MYRIP: variants seen among roughly 807,000 people sequenced by gnomAD.
MYRIP encodes myosin VIIA and Rab interacting protein.
A neutral mutation model predicts 98.0 loss-of-function variants in MYRIP; 49 were observed. That is an observed-to-expected ratio of 0.50 (90% CI 0.40 to 0.63). The LOEUF (loss-of-function observed/expected upper bound fraction) is 0.63. Ranked by LOEUF, MYRIP falls within the 30% of genes least tolerant of loss-of-function variation. MYRIP has a pLI of 0.00. For synonymous variants in MYRIP, 404 were observed against 409.5 expected (o/e 0.99, Z 0.16); for missense variants, 1,004 against 1,058.2 (o/e 0.95, Z 0.71).
At chr3:39,975,178 G>T (rs1292577300) in intron 2 of MYRIP, among the ~76,000 whole-genome samples, 1 of 152,184 alleles carries the variant, frequency 6.6e-6, no homozygotes, top group Admixed American at 6.5e-5. Context: ...TCCTTAAGCT[G>T]ATAGGCAACT....
intron 3 of MYRIP, among the ~76,000 whole-genome samples, chr3:40,065,088 C>T (rs374075926): frequency 8.5e-5 from 13 of 152,272 alleles, no homozygotes; most frequent in African/African-American, 3.1e-4. Context: ...CAGGCAGGGC[C>T]ATGCTCTCTC....
At chr3:40,214,277 G>A in intron 11 of MYRIP, among the ~76,000 whole-genome samples, 1 of 152,150 alleles carries the variant, frequency 6.6e-6, no homozygotes, top group Non-Finnish European at 1.5e-5. Context: ...CACACAGAGG[G>A]GGAGCTCAGC....
chr3:39,890,936 T>A (rs562915104), intron 1 of MYRIP, among the ~76,000 whole-genome samples: 1 of 152,258 alleles, frequency 6.6e-6, no homozygotes. Context: ...TGCTGGTGTT[T>A]GCTGATGTCT....
chr3:39,939,571 G>A (rs966114802), intron 2 of MYRIP, among the ~76,000 whole-genome samples: 6 of 152,122 alleles, frequency 3.9e-5, no homozygotes, highest in South Asian at 2.1e-4. Flanking sequence ...TAGTGGGTGG[G>A]ATTTGCAGAA....
chr3:40,255,865 C>T (rs1270075933), intron 16 of MYRIP, among the ~76,000 whole-genome samples: 1 of 152,180 alleles, frequency 6.6e-6, no homozygotes, highest in African/African-American at 2.4e-5. Context: ...CACTGTCTTT[C>T]CAGGCATCAA....
intron 3 of MYRIP, among the ~76,000 whole-genome samples, chr3:40,081,614 T>C (rs1255455113): frequency 6.6e-6 from 1 of 152,260 alleles, no homozygotes; most frequent in African/African-American, 2.4e-5. Flanking sequence ...TTATGACATA[T>C]GTATACAATG....
chr3:40,098,224 C>T (rs1176517946), intron 3 of MYRIP, among the ~76,000 whole-genome samples: 1 of 152,114 alleles, frequency 6.6e-6, no homozygotes, highest in Non-Finnish European at 1.5e-5. Flanking sequence ...GCTAAATATA[C>T]ATTTCTTTCC....
At chr3:40,104,637 A>G (rs1019325361) in intron 3 of MYRIP, among the ~76,000 whole-genome samples, 1 of 152,230 alleles carries the variant, frequency 6.6e-6, no homozygotes, top group Non-Finnish European at 1.5e-5. Context: ...CATCATCATC[A>G]GACCCATTCT....
chr3:39,809,405 G>C (rs1458896561), upstream of MYRIP, among the ~76,000 whole-genome samples: 3 of 147,632 alleles, frequency 2.0e-5, no homozygotes, highest in South Asian at 2.1e-4. Context: ...CGCCCCTCCC[G>C]GCGCGTGCCG....
In MYRIP at chr3:40,084,771, AATAT is replaced by A. The variant is rs1491411474; in HGVS notation, c.332+40505_332+40508del. On this transcript the variant is annotated intron_variant, in intron 3 of 16. Coordinates refer to ENST00000302541, the MANE Select transcript of MYRIP (RefSeq NM_015460.4). ...ATCTATGTGTTACATGTCGATAGAT[AATAT>A]ATATGTGTTACATGTCGATAGATAA... 1.4e-3 allele frequency among the ~76,000 whole-genome samples: 69 copies of A among 48,458 alleles called. 26 individuals are homozygous for A. Among genetic ancestry groups the A allele is most frequent in the Admixed American group, 1.7e-3 (6 of 3,586 alleles). 31.8% of individuals were successfully genotyped at this position (48,458 alleles called of 152,430 possible).
At chr3:39,821,224 C>T (rs1182031307) in intron 1 of MYRIP, among the ~76,000 whole-genome samples, 1 of 152,122 alleles carries the variant, frequency 6.6e-6, no homozygotes. Context: ...GGTGAGATTT[C>T]CTACTGGAGT....
intron 1 of MYRIP, among the ~76,000 whole-genome samples, chr3:39,884,026 A>C (rs754310884): frequency 2.0e-5 from 3 of 152,162 alleles, no homozygotes; most frequent in Non-Finnish European, 2.9e-5. Context: ...ATATAACACA[A>C]AACAAATTCT....
chr3:40,062,200 G>A (rs1948033203), intron 3 of MYRIP, among the ~76,000 whole-genome samples: 7 of 152,154 alleles, frequency 4.6e-5, no homozygotes, highest in Admixed American at 2.0e-4. Context: ...TATTGCCTAG[G>A]TTGTCTTCCA....
chr3:40,162,191 T>A (rs940954048), intron 4 of MYRIP, among the ~76,000 whole-genome samples: 16 of 151,572 alleles, frequency 1.1e-4, no homozygotes, highest in Admixed American at 7.2e-4. Context: ...ATCTATAATT[T>A]TATATATATA....
intron 2 of MYRIP, among the ~76,000 whole-genome samples, chr3:39,985,559 A>T (rs1167423173): frequency 1.3e-3 from 180 of 137,840 alleles, no homozygotes; most frequent in Non-Finnish European, 2.3e-3. Context: ...TTCAAACTAT[A>T]CTACAAGGCT....
At chr3:40,095,818 A>T (rs1948818556) in intron 3 of MYRIP, among the ~76,000 whole-genome samples, 1 of 150,966 alleles carries the variant, frequency 6.6e-6, no homozygotes. Flanking sequence ...CATACTCCAC[A>T]GACCCTCTTC....
At chr3:40,164,754 T>G (rs1179263709) in intron 5 of MYRIP, among the ~76,000 whole-genome samples, 1 of 152,238 alleles carries the variant, frequency 6.6e-6, no homozygotes, top group African/African-American at 2.4e-5. Context: ...ACCTTCACTT[T>G]TTACCCAGTG....
chr3:40,238,074 G>A (rs1952871214), intron 12 of MYRIP, among the ~76,000 whole-genome samples: 1 of 152,148 alleles, frequency 6.6e-6, no homozygotes, highest in African/African-American at 2.4e-5. Context: ...TGGCTGGAAG[G>A]CCCAGTCTGT....
intron 1 of MYRIP, among the ~76,000 whole-genome samples, chr3:39,868,253 G>A (rs1942681277): frequency 6.6e-6 from 1 of 152,182 alleles, no homozygotes. Context: ...AATTGTGGTA[G>A]TTCTTGTGCT....
Sources: allele counts gnomAD v4.1 joint callset (sites outside exome capture counted in the v4.1 genomes callset), GRCh38; gene constraint gnomAD v4.1.1; transcripts MANE v1.5; gene names NCBI Gene and HGNC (gene_info 2026-07-23, HGNC 2026-07-21).